KCNQ1OT1: variants seen among roughly 807,000 people sequenced by gnomAD.
The protein encoded by KCNQ1OT1 is KCNQ1 opposite strand/antisense transcript 1.
At chr11:2,655,578 G>A in exon 1 of KCNQ1OT1, 1 of 398,674 alleles carries the variant, frequency 2.5e-6, no homozygotes, top group Non-Finnish European at 4.4e-6. Flanking sequence ...CACTTCAGAG[G>A]TGGGGGTGAC....
At chr11:2,616,347 G>C (rs1004227844) in exon 1 of KCNQ1OT1, 4 of 396,860 alleles carry the variant, frequency 1.0e-5, no homozygotes, top group South Asian at 1.3e-4. Context: ...AGCAACTTTT[G>C]GTTTTGTTAA....
rs542490513 is a variant in KCNQ1OT1, at chr11:2,624,172, A to C, written n.75823T>G. On this transcript the variant is annotated non_coding_transcript_exon_variant, in exon 1 of 1. Transcript: ENST00000597346. The surrounding 1 kb of genome is among the most constrained non-coding windows in gnomAD (Gnocchi z 4.9). Reference sequence around the variant, plus strand: ...ATTTCCATTTCCCTAATGACGTAAGATGTGGGGCATCTTTTCATATACTTA... The same window carrying C: ...ATTTCCATTTCCCTAATGACGTAAGCTGTGGGGCATCTTTTCATATACTTA... 1.3e-5 allele frequency: 5 copies of C among 398,542 alleles called. No homozygotes were observed. Among genetic ancestry groups the C allele is most frequent in the African/African-American group, 1.0e-4 (5 of 48,726 alleles). The allele number at this position is 398,542 out of a possible 1,614,324, so 24.7% of individuals were successfully genotyped here.
chr11:2,619,103 G>A, exon 1 of KCNQ1OT1: 1 of 398,370 alleles, frequency 2.5e-6, no homozygotes, highest in Non-Finnish European at 4.4e-6. Context: ...TCTATATGTA[G>A]GATCATGTCA....
exon 1 of KCNQ1OT1, chr11:2,644,973 A>C: frequency 2.5e-6 from 1 of 398,590 alleles, no homozygotes; most frequent in Admixed American, 4.4e-5. Context: ...CTTGGGCCCA[A>C]TGGTAGTGTA....
At chr11:2,662,444 C>A (rs1274376335) in exon 1 of KCNQ1OT1, 3 of 496,364 alleles carry the variant, frequency 6.0e-6, no homozygotes, top group South Asian at 4.1e-5. Flanking sequence ...GGAACCCTGG[C>A]CAAAGCCATG....
At chr11:2,672,922 A>G (rs74737644) in exon 1 of KCNQ1OT1, 33,414 of 398,718 alleles carry the variant, frequency 0.084, 1,536 homozygotes, top group Middle Eastern at 0.12. Flanking sequence ...TGGGCTGGCC[A>G]TGCAGGCCCA....
exon 1 of KCNQ1OT1, chr11:2,636,264 GT>G (rs1849462962): frequency 6.6e-6 from 1 of 152,092 alleles, no homozygotes; most frequent in Non-Finnish European, 1.5e-5. Flanking sequence ...TCTTGTGCCA[GT>G]TTTCAAAGGG....
chr11:2,659,690 C>G lies in KCNQ1OT1; in HGVS notation n.40305G>C, dbSNP rs898730370. Reference sequence around the variant, plus strand: ...ATTGCTAAACTATTTCCTAAAGTCACTGTGCCATTTTGCATTCCCACCAGT... The same window carrying G: ...ATTGCTAAACTATTTCCTAAAGTCAGTGTGCCATTTTGCATTCCCACCAGT... On this transcript the variant is annotated non_coding_transcript_exon_variant, in exon 1 of 1. Coordinates refer to ENST00000597346, the Ensembl canonical transcript of KCNQ1OT1. This position sits in a 1 kb window ranked among gnomAD's most constrained non-coding sequence, Gnocchi z 4.3. The G allele has an allele frequency of 1.0e-5, 4 of 398,398 alleles. No homozygotes were observed. Among genetic ancestry groups the G allele is most frequent in the African/African-American group, 8.2e-5 (4 of 48,624 alleles). The allele number at this position is 398,398 out of a possible 1,614,324, so 24.7% of individuals were successfully genotyped here. A position where few individuals can be genotyped will look rare whatever the true frequency, so the allele number is the denominator to read the frequency against.
chr11:2,667,941 A>G (rs1276423465), exon 1 of KCNQ1OT1: 9 of 398,616 alleles, frequency 2.3e-5, no homozygotes, highest in African/African-American at 4.1e-5. Flanking sequence ...ACCCGGAGGA[A>G]GCAACAGAAC....
At chr11:2,609,975 G>A (rs1361404557) in exon 1 of KCNQ1OT1, 1 of 397,736 alleles carries the variant, frequency 2.5e-6, no homozygotes, top group African/African-American at 2.1e-5. Flanking sequence ...GATAATTCCT[G>A]CCTTTGATTA....
chr11:2,629,528 C>T (rs746851277), exon 1 of KCNQ1OT1: 13 of 398,232 alleles, frequency 3.3e-5, no homozygotes, highest in Non-Finnish European at 4.4e-5. Context: ...GTAAAGGTCT[C>T]GACTTCATTC....
exon 1 of KCNQ1OT1, chr11:2,625,005 T>A (rs985124340): frequency 2.5e-6 from 1 of 398,626 alleles, no homozygotes; most frequent in Non-Finnish European, 4.4e-6. Flanking sequence ...TTGGGTTGCA[T>A]TGATGTTTTA....
Position 2,627,261 on chromosome 11 carries a change from T to C in KCNQ1OT1, n.72734A>G, listed in dbSNP as rs1348587006. ...ATTTGACCTACTGTGAAATGATTAC[T>C]ACAATCAAGCCAATTAACATATACC... On this transcript the variant is annotated non_coding_transcript_exon_variant, in exon 1 of 1. Transcript: ENST00000597346. This position sits in a 1 kb window ranked among gnomAD's most constrained non-coding sequence, Gnocchi z 4.9. 5.0e-6 allele frequency: 2 copies of C among 398,440 alleles called. No homozygotes were observed. Among genetic ancestry groups the C allele is most frequent in the Non-Finnish European group, 8.8e-6 (2 of 226,052 alleles). 24.7% of individuals were successfully genotyped at this position (398,440 alleles called of 1,614,324 possible).
In KCNQ1OT1 at chr11:2,671,450, A is replaced by G; in HGVS notation, n.28545T>C. ...ATTCTCCCACTTTAGCAGGCAGAAG[A>G]GCAACCCAGCAGGGGATATACACAA... On this transcript the variant is annotated non_coding_transcript_exon_variant, in exon 1 of 1. Transcript: ENST00000597346. This position sits in a 1 kb window ranked among gnomAD's most constrained non-coding sequence, Gnocchi z 4.7. 5.0e-6 allele frequency: 2 copies of G among 398,636 alleles called. No individual in the cohort carries two copies. Among genetic ancestry groups the G allele is most frequent in the Non-Finnish European group, 8.8e-6 (2 of 226,082 alleles). 24.7% of individuals were successfully genotyped at this position (398,636 alleles called of 1,614,324 possible).
chr11:2,619,927 G>A (rs1299660642), exon 1 of KCNQ1OT1: 1 of 395,908 alleles, frequency 2.5e-6, no homozygotes, highest in Non-Finnish European at 4.4e-6. Flanking sequence ...GGAGTATACT[G>A]CATGATGATG....
exon 1 of KCNQ1OT1, chr11:2,699,820 C>T: frequency 2.5e-6 from 1 of 395,048 alleles, no homozygotes; most frequent in East Asian, 3.6e-5. Context: ...ACCACGATGA[C>T]TGACGCACCG....
chr11:2,691,837 C>T lies in KCNQ1OT1; in HGVS notation n.8158G>A, dbSNP rs956241564. ...GGATCCAATGTGACCTCTGCCAGGA[C>T]CATGACCCCTAGGTCCTCTTTTCCA... On this transcript the variant is annotated non_coding_transcript_exon_variant, in exon 1 of 1. Transcript: ENST00000597346. The surrounding 1 kb of genome is among the most constrained non-coding windows in gnomAD (Gnocchi z 6.4). The T allele has an allele frequency of 2.5e-6, 1 of 398,578 alleles. No homozygotes were observed. Among genetic ancestry groups the T allele is most frequent in the African/African-American group, 2.1e-5 (1 of 48,616 alleles). The allele number at this position is 398,578 out of a possible 1,614,324, so 24.7% of individuals were successfully genotyped here. A position where few individuals can be genotyped will look rare whatever the true frequency, so the allele number is the denominator to read the frequency against.
chr11:2,684,068 A>G (rs1850444729), exon 1 of KCNQ1OT1: 1 of 398,450 alleles, frequency 2.5e-6, no homozygotes, highest in Non-Finnish European at 4.4e-6. Flanking sequence ...TTTAGAGTAA[A>G]TAATTCATTA....
Position 2,668,994 on chromosome 11 carries a change from G to A in KCNQ1OT1, n.31001C>T. On this transcript the variant is annotated non_coding_transcript_exon_variant, in exon 1 of 1. Transcript: ENST00000597346. The surrounding 1 kb of genome is among the most constrained non-coding windows in gnomAD (Gnocchi z 4.3). ...TGTCCAATGTGAGGCCGAGGTCAAGGTCCACTCTTCCCCTACTTGGATATC... is the reference window on the plus strand; with the variant it reads ...TGTCCAATGTGAGGCCGAGGTCAAGATCCACTCTTCCCCTACTTGGATATC... 1 of 398,474 alleles carries A rather than the reference G, an allele frequency of 2.5e-6. No homozygotes were observed. Among genetic ancestry groups the A allele is most frequent in the Admixed American group, 4.4e-5 (1 of 22,728 alleles). The allele number at this position is 398,474 out of a possible 1,614,324, so 24.7% of individuals were successfully genotyped here. A position where few individuals can be genotyped will look rare whatever the true frequency, so the allele number is the denominator to read the frequency against.
Sources: gnomAD v4.1 joint callset for allele counts on GRCh38, gnomAD v4.1.1 for gene constraint, Gnocchi (gnomAD v3.1) non-coding constraint, MANE v1.5 for transcripts, NCBI Gene and HGNC (gene_info 2026-07-23, HGNC 2026-07-21) for gene names.